Variants in PLXNA4 observed in about 807,000 individuals in gnomAD.
The protein encoded by PLXNA4 is plexin A4.
A neutral mutation model predicts 191.8 loss-of-function variants in PLXNA4; 44 were observed. The ratio of observed to expected loss-of-function variants is 0.23; its 90% CI spans 0.18 to 0.29. PLXNA4 has a LOEUF of 0.29. Among genes scored for constraint, PLXNA4 ranks in the 10% least tolerant of loss-of-function variants. The pLI is 1.00. For synonymous variants in PLXNA4, 1,082 were observed against 1,009.5 expected (o/e 1.07, Z -1.36); for missense variants, 1,800 against 2,488.8 (o/e 0.72, Z 5.89).
In PLXNA4 at chr7:132,508,867, T is replaced by C; in HGVS notation, c.-86-88A>G. On this transcript the variant is annotated intron_variant, in intron 1 of 31. Transcript: ENST00000321063. This position sits in a 1 kb window ranked among gnomAD's most constrained non-coding sequence, Gnocchi z 4.4. ...TTGTCTGCCTGGACTTTCAAAATGT[T>C]CTGCACACACTGAGCAGAACTGCAC... is the stretch of plus-strand genomic sequence containing the variant. 7.8e-7 allele frequency: 1 copy of C among 1,289,070 alleles called. No homozygotes were observed. The highest frequency in any genetic ancestry group is 1.0e-6 in the Non-Finnish European group (1 of 969,046). The allele number at this position is 1,289,070 out of a possible 1,614,324, so 79.9% of individuals were successfully genotyped here. A position where few individuals can be genotyped will look rare whatever the true frequency, so the allele number is the denominator to read the frequency against.
intron 3 of PLXNA4, among the ~76,000 whole-genome samples, chr7:132,362,661 A>G (rs1212858754): frequency 6.6e-6 from 1 of 152,228 alleles, no homozygotes; most frequent in African/African-American, 2.4e-5. Flanking sequence ...CTGGTATCAC[A>G]TGCTATGTGT....
At chr7:132,292,306 T>G (rs919862521) in intron 4 of PLXNA4, among the ~76,000 whole-genome samples, 1 of 152,060 alleles carries the variant, frequency 6.6e-6, no homozygotes, top group Non-Finnish European at 1.5e-5. Context: ...GAGAGCAGCA[T>G]CTCCATCCAC....
intron 1 of PLXNA4, among the ~76,000 whole-genome samples, chr7:132,554,317 C>A (rs77774576): frequency 6.6e-6 from 1 of 152,150 alleles, no homozygotes; most frequent in Non-Finnish European, 1.5e-5. Flanking sequence ...GAAGCAATGG[C>A]AAATCTCCCC....
At chr7:132,409,414 G>A (rs1057046640) in intron 3 of PLXNA4, among the ~76,000 whole-genome samples, 43 of 152,118 alleles carry the variant, frequency 2.8e-4, no homozygotes, top group African/African-American at 8.2e-4. Context: ...TTATGAGCAT[G>A]GGGCACCTTC....
chr7:132,449,095 G>A (rs1181062894), intron 3 of PLXNA4, among the ~76,000 whole-genome samples: 1 of 152,196 alleles, frequency 6.6e-6, no homozygotes, highest in African/African-American at 2.4e-5. Context: ...TTTCTAAGAG[G>A]TAAAAATTAG....
At chr7:132,314,843 T>G (rs1362164842) in intron 3 of PLXNA4, among the ~76,000 whole-genome samples, 1 of 152,206 alleles carries the variant, frequency 6.6e-6, no homozygotes, top group Non-Finnish European at 1.5e-5. Flanking sequence ...CATGCCAGCT[T>G]GTTGTGTTGC....
chr7:132,466,431 C>A (rs141730076), intron 3 of PLXNA4, among the ~76,000 whole-genome samples: 1 of 152,196 alleles, frequency 6.6e-6, no homozygotes, highest in Non-Finnish European at 1.5e-5. Flanking sequence ...TTTCCTTGAG[C>A]GTCCTTAGCA....
At chr7:132,384,705 G>A in intron 3 of PLXNA4, 1 of 1,015,714 alleles carries the variant, frequency 9.8e-7, no homozygotes, top group African/African-American at 1.8e-5. Context: ...CATCCTCTCT[G>A]CCCTGTGTAT....
At chr7:132,249,513 C>T (rs952449134) in intron 4 of PLXNA4, among the ~76,000 whole-genome samples, 3 of 152,144 alleles carry the variant, frequency 2.0e-5, no homozygotes, top group African/African-American at 7.2e-5. Context: ...AGAAATCACC[C>T]CATCCTCAGG....
chr7:132,339,196 A>T (rs1267304920), intron 3 of PLXNA4, among the ~76,000 whole-genome samples: 1 of 152,188 alleles, frequency 6.6e-6, no homozygotes, highest in Non-Finnish European at 1.5e-5. Context: ...CGCAAAACAT[A>T]ATGATTAACA....
chr7:132,430,656 TGAG>T (rs1795224743), intron 3 of PLXNA4, among the ~76,000 whole-genome samples: 1 of 152,186 alleles, frequency 6.6e-6, no homozygotes, highest in African/African-American at 2.4e-5. Flanking sequence ...TCATGCCTCT[TGAG>T]GAGTAATAGC....
intron 3 of PLXNA4, among the ~76,000 whole-genome samples, chr7:132,392,425 C>A (rs573037353): frequency 6.6e-6 from 1 of 152,182 alleles, no homozygotes; most frequent in Non-Finnish European, 1.5e-5. Context: ...CTGAAAAGTG[C>A]GGACACTGTT....
At chr7:132,225,897 G>T (rs759622210) in intron 8 of PLXNA4, among the ~76,000 whole-genome samples, 2 of 152,178 alleles carry the variant, frequency 1.3e-5, no homozygotes, top group East Asian at 3.9e-4. Context: ...GGGATGTGGA[G>T]AGCCCCACTC....
chr7:132,467,751 G>T (rs1162032190), intron 3 of PLXNA4, among the ~76,000 whole-genome samples: 2 of 152,182 alleles, frequency 1.3e-5, no homozygotes, highest in Admixed American at 1.3e-4. Context: ...GGAGTAAGTT[G>T]TTTCGGTCTT....
chr7:132,557,541 CTT>C (rs200497175), intron 1 of PLXNA4, among the ~76,000 whole-genome samples: 5,517 of 114,932 alleles, frequency 0.048, 300 homozygotes, highest in African/African-American at 0.14. Flanking sequence ...TTTAATTTAT[CTT>C]TTTTTTAAAA....
intron 2 of PLXNA4, among the ~76,000 whole-genome samples, chr7:132,607,075 T>C (rs576742570): frequency 1.3e-3 from 199 of 152,298 alleles, no homozygotes; most frequent in Middle Eastern, 6.8e-3. Flanking sequence ...ATGTTCAACA[T>C]TCAAACATCT....
At chr7:132,502,041 G>T (rs1234930020) in intron 2 of PLXNA4, among the ~76,000 whole-genome samples, 1 of 152,200 alleles carries the variant, frequency 6.6e-6, no homozygotes, top group African/African-American at 2.4e-5. Flanking sequence ...CATCAAGTCT[G>T]AGCCCTGTGC....
intron 2 of PLXNA4, among the ~76,000 whole-genome samples, chr7:132,610,884 C>G (rs1239769059): frequency 6.6e-6 from 1 of 152,198 alleles, no homozygotes; most frequent in East Asian, 1.9e-4. Flanking sequence ...AGGTTTGCCA[C>G]TTGTAATGTG....
At chr7:132,239,468 G>T (rs997608891) in intron 5 of PLXNA4, among the ~76,000 whole-genome samples, 1 of 152,178 alleles carries the variant, frequency 6.6e-6, no homozygotes, top group African/African-American at 2.4e-5. Flanking sequence ...TTTGAATTAT[G>T]CCAGGTAGGA....
Sources: gnomAD v4.1 joint callset for allele counts (sites outside exome capture counted in the v4.1 genomes callset) on GRCh38, gnomAD v4.1.1 for gene constraint, Gnocchi (gnomAD v3.1) non-coding constraint, MANE v1.5 for transcripts, NCBI Gene and HGNC (gene_info 2026-07-23, HGNC 2026-07-21) for gene names.